Variants in POLR2E observed in about 807,000 individuals in gnomAD.
The protein encoded by POLR2E is DNA-directed RNA polymerases I, II, and III subunit RPABC1.
In POLR2E, 35 loss-of-function variants were observed where a neutral mutation model predicts 29.8. That is an observed-to-expected ratio of 1.17 (90% CI 0.90 to 1.55). The LOEUF is 1.55. Among genes scored for constraint, POLR2E ranks in the 40% most tolerant of loss-of-function variants. POLR2E has a pLI of 0.00. For missense variants in POLR2E, 287 were observed against 288.6 expected (o/e 0.99, Z 0.04); for synonymous variants, 174 against 112.6 (o/e 1.55, Z -3.45).
rs140799064 is a variant in POLR2E, at chr19:1,091,905, C to G, written c.235G>C (p.Glu79Gln). Residue 79 changes from glutamate (E) to glutamine (Q), a missense_variant and splice_region_variant, in exon 3 of 8, where the codon GAG becomes CAG. Glu to Gln is a conservative substitution (Grantham distance 29, BLOSUM62 2). Coordinates refer to ENST00000615234, the MANE Select transcript of POLR2E (RefSeq NM_002695.5). ...TDQMFVFFPE[E>Q]PKVGIKTIKV... ...ATGGTCTTGATGCCCACCTTGGGCT[C>G]CTCTGCAGACAGAGAGTGTGCTGGC... 3.1e-6 allele frequency: 5 copies of G among 1,603,884 alleles called. No individual in the cohort carries two copies. In the Admixed American group the frequency reaches 6.7e-5, roughly 21 times the overall value.
chr19:1,093,533 TG>T (rs1322679787), intron 2 of POLR2E, among the ~76,000 whole-genome samples: 3 of 151,860 alleles, frequency 2.0e-5, no homozygotes, highest in Non-Finnish European at 4.4e-5. Flanking sequence ...GAGGCTGCGC[TG>T]ACCCAGACGG....
rs1599790405 is a variant in POLR2E, at chr19:1,089,455, T to C, written c.*14+17A>G. On this transcript the variant is annotated intron_variant, in intron 7 of 7. Coordinates refer to ENST00000615234, the MANE Select transcript of POLR2E (RefSeq NM_002695.5). ...GCCTCTGACCCCACCTCAGTGCCTG[T>C]CCCTCGGCCGTCTCACCTGTCAGGC... is the stretch of plus-strand genomic sequence containing the variant. The C allele has an allele frequency of 1.3e-6, 2 of 1,576,156 alleles. No homozygotes were observed. The highest frequency in any genetic ancestry group is 2.2e-5 in the East Asian group (1 of 44,594).
At position 1,093,743 on chromosome 19, in the gene POLR2E, C is replaced by T. The variant is rs376953710; in HGVS notation, c.232+161G>A. 130 of 1,407,686 alleles carry T rather than the reference C, an allele frequency of 9.2e-5. 2 individuals carry two copies. The East Asian group carries it at 3.1e-3, about 34-fold the overall frequency. The allele number at this position is 1,407,686 out of a possible 1,614,324, so 87.2% of individuals were successfully genotyped here. ...GAGCATGAGAGGGGTCAGAGATCAACGGCATCACCCACAGCAAGGAAGGGG... is the reference window on the plus strand; with the variant it reads ...GAGCATGAGAGGGGTCAGAGATCAATGGCATCACCCACAGCAAGGAAGGGG... On this transcript the variant is annotated intron_variant, in intron 2 of 7. Transcript: ENST00000615234.
chr19:1,095,374 C>A lies in POLR2E; in HGVS notation c.-59G>T. 1 of 1,600,320 alleles carries A rather than the reference C, an allele frequency of 6.2e-7. No homozygotes were observed. The highest frequency in any genetic ancestry group is 8.6e-7 in the Non-Finnish European group (1 of 1,169,520). ...TTCTCCGCGCGAGAACCCGCGCGGACTGCGCCTGCGCCGAATCCGAATCAG... is the reference window on the plus strand; with the variant it reads ...TTCTCCGCGCGAGAACCCGCGCGGAATGCGCCTGCGCCGAATCCGAATCAG... On this transcript the variant is annotated 5_prime_UTR_variant, in exon 1 of 8. Transcript: ENST00000615234.
At chr19:1,093,659 T>C in intron 2 of POLR2E, 1 of 1,120,814 alleles carries the variant, frequency 8.9e-7, no homozygotes, top group Non-Finnish European at 1.2e-6. Context: ...GAGGCCCTTG[T>C]GACTCTCCTC....
rs372489646 is a variant in POLR2E, at chr19:1,095,210, C to G, written c.57+49G>C. On this transcript the variant is annotated intron_variant, in intron 1 of 7. Transcript: ENST00000615234. ...GCCGTGCTCGACCCCACCTCGGGCC[C>G]CTACACCCGCCGCCCGCGCCCCCGC... 8 of 1,592,234 alleles carry G rather than the reference C, an allele frequency of 5.0e-6. No individual in the cohort carries two copies. In the African/African-American group the frequency reaches 9.4e-5, roughly 19 times the overall value.
chr19:1,092,022 C>T (rs891793581), intron 2 of POLR2E, 115 bp from the exon 3 acceptor site: 47 of 711,020 alleles, frequency 6.6e-5, no homozygotes, highest in South Asian at 3.7e-4. Context: ...CTCTCCTGCT[C>T]GGGCCTCGGC....
At chr19:1,091,100 G>T in intron 3 of POLR2E, 112 bp from the exon 4 acceptor site, 2 of 844,924 alleles carry the variant, frequency 2.4e-6, no homozygotes, top group Non-Finnish European at 3.7e-6. Flanking sequence ...ACACACCCAC[G>T]TCGTGAATCA....
At chr19:1,091,377 T>C in intron 3 of POLR2E, 1 of 366,002 alleles carries the variant, frequency 2.7e-6, no homozygotes, top group Non-Finnish European at 5.1e-6. Context: ...CACAGCAGCC[T>C]GGCTCCAGAG....
At position 1,091,831 on chromosome 19, in the gene POLR2E, G is replaced by A. The variant is rs1263464851; in HGVS notation, c.309C>T (p.Leu103=). ...GTGTCATGCCCTGCTGCACCACGAT[G>A]AGAGCCCGTGTGATGTTCTCCTCCT... is the stretch of plus-strand genomic sequence containing the variant. ...RMQEENITRA[L]IVVQQGMTPS... is the part of the protein sequence containing the mutation. The change falls in exon 3 of 8, where the codon CTC becomes CTT. Residue 103 remains leucine (L), a synonymous_variant. Transcript: ENST00000615234. 2 of 1,612,776 alleles carry A rather than the reference G, an allele frequency of 1.2e-6. No individual in the cohort carries two copies. The highest frequency in any genetic ancestry group is 2.2e-5 in the South Asian group (2 of 91,066).
chr19:1,094,404 G>A (rs1186843924), intron 1 of POLR2E: 2 of 318,572 alleles, frequency 6.3e-6, no homozygotes, highest in Non-Finnish European at 5.7e-6. Context: ...CAAAGGCGGG[G>A]CGCGGAGGCT....
Position 1,089,567 on chromosome 19 carries a change from G to C in POLR2E, c.568-16C>G. The C allele has an allele frequency of 6.2e-7, 1 of 1,611,266 alleles. No individual in the cohort carries two copies. The highest frequency in any genetic ancestry group is 8.5e-7 in the Non-Finnish European group (1 of 1,177,544). ...TCTTCACCACCTGCAGAGACAGAGA[G>C]CAGGGGCTGCGAATGCTTGAGGGGT... On this transcript the variant is annotated splice_polypyrimidine_tract_variant and intron_variant, in intron 6 of 7. Transcript: ENST00000615234.
At chr19:1,093,825 G>T in intron 2 of POLR2E, 79 bp downstream of exon 2, 1 of 1,468,936 alleles carries the variant, frequency 6.8e-7, no homozygotes, top group Admixed American at 2.5e-5. Flanking sequence ...CCAGGCGAGT[G>T]GGGGTGGGTG....
chr19:1,088,276 AGC>A lies in POLR2E; in HGVS notation c.*457_*458del, dbSNP rs1287243449. ...TGGCATCTCGCACCCTGGTGGCTTGAGCGCGTGCATGGCTGTGAATGGAGTAA... is the reference window on the plus strand; with the variant it reads ...TGGCATCTCGCACCCTGGTGGCTTGAGCGTGCATGGCTGTGAATGGAGTAA... On this transcript the variant is annotated 3_prime_UTR_variant, in exon 8 of 8. Coordinates refer to ENST00000615234, the MANE Select transcript of POLR2E (RefSeq NM_002695.5). 2 of 152,244 alleles carry A rather than the reference AGC, an allele frequency of 1.3e-5. No individual in the cohort carries two copies. The highest frequency in any genetic ancestry group is 2.9e-5 in the Non-Finnish European group (2 of 68,016). The allele number at this position is 152,244 out of a possible 1,614,324, so 9.4% of individuals were successfully genotyped here.
In POLR2E at chr19:1,089,870, C is replaced by G. The variant is rs761491775; in HGVS notation, c.567+14G>C. On this transcript the variant is annotated intron_variant, in intron 6 of 7. Transcript: ENST00000615234. ...CAGAGCAGCCCCAGGGCCCCTTCTC[C>G]CCACAGGGCTCACCTGCCCACGCTT... 3.7e-6 allele frequency: 6 copies of G among 1,605,240 alleles called. No individual in the cohort carries two copies. In the Admixed American group the frequency reaches 8.3e-5, roughly 22 times the overall value.
intron 2 of POLR2E, among the ~76,000 whole-genome samples, chr19:1,092,118 G>C (rs1423277832): frequency 6.6e-6 from 1 of 152,212 alleles, no homozygotes; most frequent in Non-Finnish European, 1.5e-5. Flanking sequence ...CCCGGAGACA[G>C]GGACAGGGGG....
In POLR2E at chr19:1,094,471, G is replaced by A. The variant is rs374906879; in HGVS notation, c.58-393C>T. 4.9e-4 allele frequency: 99 copies of A among 200,942 alleles called. No individual in the cohort carries two copies. The Middle Eastern group carries it at 5.2e-3, about 10-fold the overall frequency. The allele number at this position is 200,942 out of a possible 1,614,324, so 12.4% of individuals were successfully genotyped here. A position where few individuals can be genotyped will look rare whatever the true frequency, so the allele number is the denominator to read the frequency against. ...GAGGCAGGAGGGTTGCTGGAGGCCA[G>A]TTCAAGGATGCAGTGAGCTATGATT... is the stretch of plus-strand genomic sequence containing the variant. On this transcript the variant is annotated intron_variant, in intron 1 of 7. Coordinates refer to ENST00000615234, the MANE Select transcript of POLR2E (RefSeq NM_002695.5).
At chr19:1,093,298 A>G (rs1017956310) in intron 2 of POLR2E, among the ~76,000 whole-genome samples, 2 of 152,238 alleles carry the variant, frequency 1.3e-5, no homozygotes, top group Admixed American at 1.3e-4. Context: ...TGCGCCCCTA[A>G]GGCGCTTGCA....
chr19:1,094,860 A>G, intron 1 of POLR2E: 1 of 210,836 alleles, frequency 4.7e-6, no homozygotes. Flanking sequence ...CCCAACCACC[A>G]ACTCTGCCAG....
Sources: allele counts gnomAD v4.1 joint callset (sites outside exome capture counted in the v4.1 genomes callset), GRCh38; gene constraint gnomAD v4.1.1; transcripts MANE v1.5; gene names NCBI Gene and HGNC (gene_info 2026-07-23, HGNC 2026-07-21).